Variants in TECRL observed in about 807,000 individuals in gnomAD.
TECRL encodes trans-2,3-enoyl-CoA reductase like.
A neutral mutation model predicts 52.8 loss-of-function variants in TECRL; 63 were observed. The ratio of observed to expected loss-of-function variants is 1.19; its 90% CI spans 0.97 to 1.47. TECRL has a LOEUF of 1.47. Among genes scored for constraint, TECRL ranks in the 40% most tolerant of loss-of-function variants. The pLI, the probability that TECRL is intolerant of heterozygous loss-of-function variation, is 0.00. For synonymous variants in TECRL, 164 were observed against 141.9 expected, an observed-to-expected ratio of 1.16 and a Z score of -1.10; for missense variants, 482 against 429.6, an observed-to-expected ratio of 1.12 and a Z score of -1.08.
chr4:64,334,048 A>AAAAAAAAAAAAAAAAAAC, intron 2 of TECRL, among the ~76,000 whole-genome samples: 1 of 120,010 alleles, frequency 8.3e-6, no homozygotes, highest in East Asian at 2.1e-4. Flanking sequence ...AAAAAAAAAA[A>AAAAAAAAAAAAAAAAAAC]AGAAAAAGAG....
chr4:64,297,824 G>A (rs1723774479), intron 8 of TECRL, among the ~76,000 whole-genome samples: 3 of 150,840 alleles, frequency 2.0e-5, no homozygotes, highest in Non-Finnish European at 4.5e-5. Flanking sequence ...TCTTATATTG[G>A]ATTCAGTTTC....
Position 64,349,767 on chromosome 4 carries a change from C to G in TECRL, c.287-21211G>C, listed in dbSNP as rs560233514. 3.3e-5 allele frequency among the ~76,000 whole-genome samples: 5 copies of G among 151,976 alleles called. No homozygotes were observed. The South Asian group carries it at 1.0e-3, about 32-fold the overall frequency. On this transcript the variant is annotated intron_variant, in intron 2 of 11. Coordinates refer to ENST00000381210, the MANE Select transcript of TECRL (RefSeq NM_001010874.5). ...TGAAGAGATAATACAGGAATTCGAC[C>G]CATGAATTGAATTCCAACATTTCCA...
intron 1 of TECRL, among the ~76,000 whole-genome samples, chr4:64,401,098 T>C (rs936029592): frequency 2.0e-5 from 3 of 152,206 alleles, no homozygotes; most frequent in Non-Finnish European, 4.4e-5. Flanking sequence ...CTCCGTTTTA[T>C]AGAACTGTCT....
chr4:64,334,195 A>T, intron 2 of TECRL, among the ~76,000 whole-genome samples: 1 of 152,114 alleles, frequency 6.6e-6, no homozygotes, highest in East Asian at 1.9e-4. Flanking sequence ...CTTCTTAAGT[A>T]ATAAACATCA....
At chr4:64,310,870 C>T (rs1016686676) in intron 5 of TECRL, among the ~76,000 whole-genome samples, 2 of 152,104 alleles carry the variant, frequency 1.3e-5, no homozygotes, top group Non-Finnish European at 2.9e-5. Context: ...AGGACCACAC[C>T]GCCATGCCCG....
intron 2 of TECRL, among the ~76,000 whole-genome samples, chr4:64,362,400 C>T (rs1007192887): frequency 2.6e-5 from 4 of 151,840 alleles, no homozygotes; most frequent in African/African-American, 9.7e-5. Flanking sequence ...TTACAGTCAT[C>T]AGATTCTTCA....
chr4:64,329,058 A>G (rs963313845), intron 2 of TECRL, among the ~76,000 whole-genome samples: 1 of 151,984 alleles, frequency 6.6e-6, no homozygotes, highest in Non-Finnish European at 1.5e-5. Flanking sequence ...TATTGGTCAT[A>G]GCAGAAGCAT....
At position 64,310,262 on chromosome 4, in the gene TECRL, C is replaced by T. The variant is rs549212971; in HGVS notation, c.552-331G>A. 3.7e-4 allele frequency among the ~76,000 whole-genome samples: 56 copies of T among 152,204 alleles called. 1 individual carries two copies. Among genetic ancestry groups the T allele is most frequent in the South Asian group, 6.2e-4 (3 of 4,820 alleles). On this transcript the variant is annotated intron_variant, in intron 5 of 11. Transcript: ENST00000381210. ...CAAATATGTTCATATCGAAATACTT[C>T]GACTGAAACAGACAATTTACAAGTT... is the stretch of plus-strand genomic sequence containing the variant.
chr4:64,323,268 G>A (rs1029905918), intron 3 of TECRL, among the ~76,000 whole-genome samples: 1 of 151,882 alleles, frequency 6.6e-6, no homozygotes, highest in South Asian at 2.1e-4. Context: ...ATGGTGCTGT[G>A]TGCCTGTAGT....
rs138972854 is a variant in TECRL, at chr4:64,326,460, C to G, written c.331+2052G>C. Among the ~76,000 whole-genome samples the G allele has an allele frequency of 3.3e-5, 5 of 152,188 alleles. No individual in the cohort carries two copies. The East Asian group carries it at 9.6e-4, about 29-fold the overall frequency. ...GATAGCTGTTCTCATATTCCCACCC[C>G]TTGAATATGGGCTAACTAGTGACTT... On this transcript the variant is annotated intron_variant, in intron 3 of 11. Transcript: ENST00000381210.
intron 2 of TECRL, among the ~76,000 whole-genome samples, chr4:64,354,059 A>G (rs1720588569): frequency 6.6e-6 from 1 of 152,200 alleles, no homozygotes; most frequent in South Asian, 2.1e-4. Flanking sequence ...ACATGCTCAA[A>G]TACGGATTTA....
At chr4:64,284,150 A>G (rs921319153) in intron 9 of TECRL, among the ~76,000 whole-genome samples, 18 of 152,062 alleles carry the variant, frequency 1.2e-4, no homozygotes, top group African/African-American at 3.9e-4. Context: ...TTTTTGGAGC[A>G]CTGTCCTGGA....
At position 64,334,436 on chromosome 4, in the gene TECRL, TA is replaced by T. The variant is rs959764983; in HGVS notation, c.287-5881del. Among the ~76,000 whole-genome samples the T allele has an allele frequency of 4.9e-4, 74 of 152,176 alleles. 2 individuals carry two copies. Among genetic ancestry groups the T allele is most frequent in the Non-Finnish European group, 1.0e-4 (7 of 68,032 alleles). ...AAACCAAGGATGCCAGTGAGACATT[TA>T]ATGGTTTAGTATGAGATGTATGATA... On this transcript the variant is annotated intron_variant, in intron 2 of 11. Coordinates refer to ENST00000381210, the MANE Select transcript of TECRL (RefSeq NM_001010874.5).
At chr4:64,324,686 G>A (rs1486169815) in intron 3 of TECRL, among the ~76,000 whole-genome samples, 4 of 151,912 alleles carry the variant, frequency 2.6e-5, no homozygotes, top group African/African-American at 9.7e-5. Context: ...AATGTATATG[G>A]TTCTCTGGGT....
At chr4:64,394,132 A>G (rs1430785094) in intron 1 of TECRL, among the ~76,000 whole-genome samples, 1 of 152,174 alleles carries the variant, frequency 6.6e-6, no homozygotes, top group East Asian at 1.9e-4. Context: ...TGTTAAAAAT[A>G]TACTATCAAC....
chr4:64,360,733 G>T (rs1225572404), intron 2 of TECRL, among the ~76,000 whole-genome samples: 4 of 152,068 alleles, frequency 2.6e-5, no homozygotes, highest in Admixed American at 2.0e-4. Context: ...CTCATTCCTG[G>T]CCCTGAATGG....
At chr4:64,299,401 T>C (rs540951795) in intron 8 of TECRL, among the ~76,000 whole-genome samples, 25 of 151,272 alleles carry the variant, frequency 1.7e-4, no homozygotes, top group Non-Finnish European at 3.1e-4. Flanking sequence ...AAAGAGCTTA[T>C]AAGCACTTAA....
At chr4:64,310,293 A>G (rs1236343332) in intron 5 of TECRL, among the ~76,000 whole-genome samples, 3 of 152,220 alleles carry the variant, frequency 2.0e-5, no homozygotes, top group African/African-American at 7.2e-5. Flanking sequence ...AAGTTTTAAA[A>G]ATATCCAAAG....
At chr4:64,288,824 T>G (rs1723220086) in intron 9 of TECRL, among the ~76,000 whole-genome samples, 1 of 152,162 alleles carries the variant, frequency 6.6e-6, no homozygotes, top group South Asian at 2.1e-4. Flanking sequence ...CAGCCAACAT[T>G]GGTCAACAGA....
Sources: gnomAD v4.1 joint callset for allele counts (sites outside exome capture counted in the v4.1 genomes callset) on GRCh38, gnomAD v4.1.1 for gene constraint, MANE v1.5 for transcripts, NCBI Gene and HGNC (gene_info 2026-07-23, HGNC 2026-07-21) for gene names.